The following KIFC3 variants were observed in gnomAD, a reference collection of about 807,000 sequenced individuals.
KIFC3 encodes kinesin family member C3, also known as kinesin-like protein KIFC3.
A neutral mutation model predicts 101.8 loss-of-function variants in KIFC3; 60 were observed. The observed-to-expected ratio is 0.59, with a 90% CI of 0.48 to 0.73. KIFC3 has a LOEUF of 0.73. Ranked by LOEUF, KIFC3 falls within the 30% of genes least tolerant of loss-of-function variation. The pLI, the probability that KIFC3 is intolerant of heterozygous loss-of-function variation, is 0.00. For synonymous variants in KIFC3, 476 were observed against 482.7 expected (o/e 0.99, Z 0.18); for missense variants, 966 against 1,137.1 (o/e 0.85, Z 2.16).
chr16:57,809,885 C>T (rs782130333), intron 1 of KIFC3, among the ~76,000 whole-genome samples: 7 of 152,156 alleles, frequency 4.6e-5, no homozygotes, highest in African/African-American at 9.7e-5. Context: ...GATATCTGAG[C>T]GATGGCTGTC....
intron 3 of KIFC3, among the ~76,000 whole-genome samples, chr16:57,794,304 C>A (rs1327914145): frequency 2.6e-5 from 4 of 151,430 alleles, no homozygotes; most frequent in Non-Finnish European, 5.9e-5. Context: ...GCAATCACTG[C>A]AGCCTCAACC....
intron 11 of KIFC3, 122 bp downstream of exon 11, chr16:57,765,337 C>T (rs2050364215): frequency 2.0e-6 from 2 of 995,906 alleles, no homozygotes; most frequent in East Asian, 2.7e-5. Flanking sequence ...CCCTGGCTCC[C>T]CACTTCTGAT....
intron 3 of KIFC3, chr16:57,790,996 G>A: frequency 1.2e-6 from 1 of 863,272 alleles, no homozygotes; most frequent in African/African-American, 1.8e-5. Flanking sequence ...CACTTTGAGA[G>A]GCTGAGGCGG....
chr16:57,807,726 C>T (rs971316397), upstream of KIFC3: 2 of 151,840 alleles, frequency 1.3e-5, no homozygotes, highest in African/African-American at 4.8e-5. Flanking sequence ...CGCTTGAGGC[C>T]AGGAGTTCTA....
At chr16:57,784,541 T>G (rs536289098) in intron 3 of KIFC3, among the ~76,000 whole-genome samples, 7 of 152,300 alleles carry the variant, frequency 4.6e-5, no homozygotes, top group African/African-American at 1.7e-4. Context: ...CGTCGGCATG[T>G]CCAGGCCATC....
intron 1 of KIFC3, among the ~76,000 whole-genome samples, chr16:57,851,756 C>T (rs990486962): frequency 2.7e-5 from 4 of 146,076 alleles, no homozygotes; most frequent in Non-Finnish European, 6.0e-5. Flanking sequence ...TTGTTGTTTT[C>T]GAGATGGTAG....
chr16:57,803,903 C>T (rs782760583), upstream of KIFC3, among the ~76,000 whole-genome samples: 2 of 152,098 alleles, frequency 1.3e-5, no homozygotes, highest in African/African-American at 2.4e-5. Context: ...TCCAGGGGAC[C>T]GCAAGGGTGG....
chr16:57,841,568 G>A (rs959570344), intron 1 of KIFC3, among the ~76,000 whole-genome samples: 21 of 152,252 alleles, frequency 1.4e-4, no homozygotes, highest in African/African-American at 4.8e-4. Flanking sequence ...TTGGGAGGCC[G>A]AGGCAGGAGA....
intron 1 of KIFC3, chr16:57,810,799 T>A (rs1002031881): frequency 1.6e-5 from 9 of 580,606 alleles, no homozygotes; most frequent in Non-Finnish European, 2.0e-5. Context: ...GTGTTATTAT[T>A]CCCATTGTAC....
chr16:57,823,010 G>C (rs1339240121), intron 1 of KIFC3, among the ~76,000 whole-genome samples: 1 of 152,038 alleles, frequency 6.6e-6, no homozygotes, highest in African/African-American at 2.4e-5. Flanking sequence ...GCATTCTAAC[G>C]TTAACTTGAA....
At chr16:57,770,740 C>T (rs1328529936) in intron 6 of KIFC3, 40 bp from the exon 7 acceptor site, 3 of 1,379,402 alleles carry the variant, frequency 2.2e-6, no homozygotes, top group Non-Finnish European at 2.8e-6. Context: ...AGCCAGCGGG[C>T]ACCGTACCTC....
chr16:57,760,135 G>C, intron 17 of KIFC3, 147 bp downstream of exon 17: 1 of 946,394 alleles, frequency 1.1e-6, no homozygotes, highest in Admixed American at 2.3e-5. Flanking sequence ...GCTGCTGGCT[G>C]TGGGTTCCAG....
chr16:57,857,307 T>C (rs1405943161), intron 1 of KIFC3, among the ~76,000 whole-genome samples: 3 of 152,058 alleles, frequency 2.0e-5, no homozygotes, highest in East Asian at 1.9e-4. Context: ...CAAATCTTGT[T>C]CCAGGGCCCC....
chr16:57,791,372 C>T (rs1402745131), intron 3 of KIFC3, among the ~76,000 whole-genome samples: 15 of 152,178 alleles, frequency 9.9e-5, no homozygotes, highest in Admixed American at 8.5e-4. Flanking sequence ...GCAAAGGTTA[C>T]GCTATTTCTG....
Position 57,775,472 on chromosome 16 carries a change from A to G in KIFC3, c.316-3184T>C, listed in dbSNP as rs1184767734. 9 of 995,096 alleles carry G rather than the reference A, an allele frequency of 9.0e-6. No individual in the cohort carries two copies. The East Asian group carries it at 8.6e-4, about 95-fold the overall frequency. The allele number at this position is 995,096 out of a possible 1,614,324, so 61.6% of individuals were successfully genotyped here. Reference sequence around the variant, plus strand: ...AGATGTCTGCTTTCTCCTGCACTTGAAGGCAGGCAATCTCTCAGAGTTAGG... The same window carrying G: ...AGATGTCTGCTTTCTCCTGCACTTGGAGGCAGGCAATCTCTCAGAGTTAGG... On this transcript the variant is annotated intron_variant, in intron 3 of 19. Coordinates refer to ENST00000445690, the MANE Select transcript of KIFC3 (RefSeq NM_001130100.2).
At chr16:57,829,585 C>T (rs7204361) in intron 1 of KIFC3, among the ~76,000 whole-genome samples, 1,996 of 152,178 alleles carry the variant, frequency 0.013, 40 homozygotes, top group African/African-American at 0.045. Flanking sequence ...TTCTTTTTAG[C>T]GGCAAAACAA....
intron 3 of KIFC3, chr16:57,788,856 A>ACG (rs1555619042): frequency 1.4e-6 from 1 of 690,540 alleles, no homozygotes; most frequent in Non-Finnish European, 2.1e-6. Flanking sequence ...GTGGGTGGGG[A>ACG]CGTTGAGGTC....
chr16:57,854,019 G>T (rs1232678558), intron 1 of KIFC3, among the ~76,000 whole-genome samples: 1 of 152,100 alleles, frequency 6.6e-6, no homozygotes, highest in African/African-American at 2.4e-5. Context: ...ATGGCTCAAT[G>T]TAGCCTCGAC....
chr16:57,847,197 A>G (rs1465962740), intron 1 of KIFC3, among the ~76,000 whole-genome samples: 7 of 8,370 alleles, frequency 8.4e-4, no homozygotes, highest in African/African-American at 2.4e-3. Context: ...GAAGGAGGGA[A>G]GGAAGGAAGG....
Sources: gnomAD v4.1 joint callset for allele counts (sites outside exome capture counted in the v4.1 genomes callset) on GRCh38, gnomAD v4.1.1 for gene constraint, MANE v1.5 for transcripts, NCBI Gene and HGNC (gene_info 2026-07-23, HGNC 2026-07-21) for gene names.